The following IL23R variants were observed in gnomAD, a reference collection of about 807,000 sequenced individuals.
IL23R encodes the protein interleukin 23 receptor, also known as interleukin-23 receptor.
In IL23R, 34 loss-of-function variants were observed where a neutral mutation model predicts 56.9. The ratio of observed to expected loss-of-function variants is 0.60; its 90% CI spans 0.45 to 0.80. IL23R has a LOEUF of 0.80. Among genes scored for constraint, IL23R ranks in the 30% least tolerant of loss-of-function variants. IL23R has a pLI of 0.00. For synonymous variants in IL23R, 230 were observed against 249.2 expected (o/e 0.92, Z 0.73); for missense variants, 635 against 730.0 (o/e 0.87, Z 1.50).
chr1:67,242,182 A>G (rs989790132), intron 9 of IL23R, among the ~76,000 whole-genome samples: 1 of 152,212 alleles, frequency 6.6e-6, no homozygotes, highest in African/African-American at 2.4e-5. Flanking sequence ...GCCTCCTGGC[A>G]ATGTTCTCTT....
chr1:67,221,834 C>T (rs975956620), intron 7 of IL23R, among the ~76,000 whole-genome samples: 1 of 152,094 alleles, frequency 6.6e-6, no homozygotes, highest in African/African-American at 2.4e-5. Flanking sequence ...AAGAGCATGA[C>T]TTGCTGCAAA....
At chr1:67,155,818 A>G (rs1031213418) in intron 1 of IL23R, among the ~76,000 whole-genome samples, 2 of 152,286 alleles carry the variant, frequency 1.3e-5, no homozygotes. Context: ...TGCTCTGTTC[A>G]GTTCTGCGCC....
chr1:67,156,095 C>T (rs1264281354), intron 1 of IL23R, among the ~76,000 whole-genome samples: 1 of 152,174 alleles, frequency 6.6e-6, no homozygotes, highest in Non-Finnish European at 1.5e-5. Context: ...ACTCCAGACT[C>T]TATTCTCCTG....
At chr1:67,228,302 G>A (rs1650869701) in intron 7 of IL23R, among the ~76,000 whole-genome samples, 1 of 148,590 alleles carries the variant, frequency 6.7e-6, no homozygotes, top group African/African-American at 2.5e-5. Context: ...TCTCACCTTG[G>A]CCTTTCAAGT....
intron 4 of IL23R, among the ~76,000 whole-genome samples, chr1:67,186,983 G>C (rs1647386005): frequency 6.6e-6 from 1 of 151,812 alleles, no homozygotes; most frequent in Admixed American, 6.6e-5. Context: ...TTATTCCTTG[G>C]TTGATGAACT....
At chr1:67,256,234 C>T (rs532452192) in intron 10 of IL23R, among the ~76,000 whole-genome samples, 2 of 152,230 alleles carry the variant, frequency 1.3e-5, no homozygotes, top group African/African-American at 4.8e-5. Flanking sequence ...TAGATGTCTT[C>T]AGGAACAAAG....
At chr1:67,248,662 G>A (rs990521716) in intron 9 of IL23R, among the ~76,000 whole-genome samples, 1 of 152,184 alleles carries the variant, frequency 6.6e-6, no homozygotes, top group Non-Finnish European at 1.5e-5. Context: ...TGCTGGCGAG[G>A]AGTTGTGATC....
chr1:67,176,855 A>G (rs1416857733), intron 3 of IL23R, among the ~76,000 whole-genome samples: 1 of 152,102 alleles, frequency 6.6e-6, no homozygotes. Context: ...CTCATTGTTC[A>G]GTTCCCACCT....
At chr1:67,250,662 T>G (rs1017507125) in intron 9 of IL23R, among the ~76,000 whole-genome samples, 2 of 152,260 alleles carry the variant, frequency 1.3e-5, no homozygotes, top group Admixed American at 6.5e-5. Context: ...TTACAGTTTT[T>G]ATTTTTTCTT....
chr1:67,243,870 T>A (rs1652020974), intron 9 of IL23R, among the ~76,000 whole-genome samples: 1 of 152,186 alleles, frequency 6.6e-6, no homozygotes, highest in Non-Finnish European at 1.5e-5. Context: ...TCCTAGATCC[T>A]TGAGGAATTG....
intron 9 of IL23R, among the ~76,000 whole-genome samples, chr1:67,247,962 G>A (rs1416973677): frequency 6.6e-6 from 1 of 152,162 alleles, no homozygotes; most frequent in Non-Finnish European, 1.5e-5. Flanking sequence ...TCTGGCTTGT[G>A]GGGTTTCTGC....
upstream of IL23R, among the ~76,000 whole-genome samples, chr1:67,163,468 CAAAAAAAAA>C (rs57495148): frequency 6.7e-4 from 33 of 49,604 alleles, no homozygotes; most frequent in South Asian, 0.022. Context: ...GACCCTGTCT[CAAAAAAAAA>C]AAAAAAAAAA....
At chr1:67,263,334 C>G (rs1459827729), downstream of IL23R, among the ~76,000 whole-genome samples, 1 of 151,984 alleles carries the variant, frequency 6.6e-6, no homozygotes, top group Admixed American at 6.6e-5. Context: ...AATCCTTCCA[C>G]CTTGGCCTCT....
In IL23R at chr1:67,259,435, C is replaced by T. The variant is rs964057619; in HGVS notation, c.*307C>T. On this transcript the variant is annotated 3_prime_UTR_variant, in exon 11 of 11. Transcript: ENST00000347310. ...TTTTTAATTTTAGCCATTCTTCTGC[C>T]TCATTTCTTAAAATTAGAGAATTAA... 1.4e-4 allele frequency: 55 copies of T among 382,128 alleles called. No individual in the cohort carries two copies. Among genetic ancestry groups the T allele is most frequent in the Non-Finnish European group, 2.2e-4 (45 of 207,772 alleles). 23.7% of individuals were successfully genotyped at this position (382,128 alleles called of 1,614,324 possible). A position where few individuals can be genotyped will look rare whatever the true frequency, so the allele number is the denominator to read the frequency against.
chr1:67,221,712 C>A (rs963690355), intron 7 of IL23R, among the ~76,000 whole-genome samples: 2 of 152,134 alleles, frequency 1.3e-5, no homozygotes, highest in Non-Finnish European at 2.9e-5. Flanking sequence ...TTATTATAAT[C>A]CCAGTATGAA....
At chr1:67,200,599 G>T (rs1648555013) in intron 4 of IL23R, 138 bp from the exon 5 acceptor site, 1 of 703,422 alleles carries the variant, frequency 1.4e-6, no homozygotes. Context: ...TGGCCAGGCT[G>T]GTCTCGAACT....
chr1:67,167,094 C>A (rs562166391), intron 1 of IL23R, among the ~76,000 whole-genome samples: 3,441 of 152,148 alleles, frequency 0.023, 127 homozygotes, highest in African/African-American at 0.078. Flanking sequence ...AGATGAAAGG[C>A]TTTTTCCTCT....
chr1:67,150,220 A>C (rs1276657471), intron 1 of IL23R, among the ~76,000 whole-genome samples: 2 of 146,492 alleles, frequency 1.4e-5, no homozygotes. Context: ...CCAATTCAAC[A>C]TCTTATCTAG....
intron 4 of IL23R, among the ~76,000 whole-genome samples, chr1:67,195,779 A>G (rs1260254689): frequency 1.3e-5 from 2 of 152,194 alleles, no homozygotes; most frequent in African/African-American, 2.4e-5. Context: ...TTGTTCTGAT[A>G]GTAGCAATAA....
Sources: allele counts gnomAD v4.1 joint callset (sites outside exome capture counted in the v4.1 genomes callset), GRCh38; gene constraint gnomAD v4.1.1; transcripts MANE v1.5; gene names NCBI Gene and HGNC (gene_info 2026-07-23, HGNC 2026-07-21).